Variants in ARHGAP25 observed in about 807,000 individuals in gnomAD.
The protein encoded by ARHGAP25 is rho GTPase-activating protein 25.
Under a neutral mutation model 71.0 loss-of-function variants are expected in ARHGAP25, and 34 were observed. The observed-to-expected ratio is 0.48, with a 90% CI of 0.36 to 0.64. The LOEUF is 0.64. Ranked by LOEUF, ARHGAP25 falls within the 30% of genes least tolerant of loss-of-function variation. ARHGAP25 has a pLI of 0.00. For missense variants in ARHGAP25, 706 were observed against 805.1 expected (o/e 0.88, Z 1.49); for synonymous variants, 282 against 296.5 (o/e 0.95, Z 0.50).
At chr2:68,813,549 G>A (rs1020342150) in intron 6 of ARHGAP25, 130 bp downstream of exon 6, 7 of 998,436 alleles carry the variant, frequency 7.0e-6, no homozygotes, top group African/African-American at 4.9e-5. Context: ...AACTTCCTCA[G>A]CAACAAAAGG....
intron 1 of ARHGAP25, among the ~76,000 whole-genome samples, chr2:68,745,605 T>C (rs933122917): frequency 6.6e-6 from 1 of 152,168 alleles, no homozygotes; most frequent in Non-Finnish European, 1.5e-5. Context: ...CTGGAGAAGA[T>C]CACCCCTGAG....
At position 68,735,103 on chromosome 2, in the gene ARHGAP25, A is replaced by G; in HGVS notation, c.-97A>G. On this transcript the variant is annotated 5_prime_UTR_variant, in exon 1 of 11. Transcript: ENST00000409202. ...AGCAATCATAAGGAGGAACAAAAAC[A>G]GACACAAAAACAGAGGGAAAGAGTG... The G allele has an allele frequency of 9.2e-7, 1 of 1,083,114 alleles. No individual in the cohort carries two copies. The highest frequency in any genetic ancestry group is 1.4e-6 in the Non-Finnish European group (1 of 697,738). 67.1% of individuals were successfully genotyped at this position (1,083,114 alleles called of 1,614,324 possible).
chr2:68,770,360 C>T (rs766710135), intron 1 of ARHGAP25, among the ~76,000 whole-genome samples: 1 of 152,164 alleles, frequency 6.6e-6, no homozygotes, highest in Non-Finnish European at 1.5e-5. Flanking sequence ...CAAACTAATG[C>T]ACAGCTCATA....
At chr2:68,728,513 A>T (rs1039092780) in intron 2 of ARHGAP25, among the ~76,000 whole-genome samples, 12 of 131,588 alleles carry the variant, frequency 9.1e-5, no homozygotes, top group East Asian at 4.5e-4. Context: ...ATTTTTTAAT[A>T]AAAAAAAAAC....
intron 3 of ARHGAP25, among the ~76,000 whole-genome samples, chr2:68,784,476 CTT>C (rs1678603277): frequency 6.6e-6 from 1 of 152,028 alleles, no homozygotes; most frequent in Admixed American, 6.6e-5. Context: ...CACATAGAAA[CTT>C]TTAATTGTAG....
chr2:68,786,667 G>C (rs1678779569), intron 3 of ARHGAP25, among the ~76,000 whole-genome samples: 1 of 152,194 alleles, frequency 6.6e-6, no homozygotes, highest in Admixed American at 6.5e-5. Flanking sequence ...GATGGAGTCA[G>C]AATCAGGTTA....
chr2:68,826,166 C>A lies in ARHGAP25; in HGVS notation c.1913C>A (p.Ser638Tyr). ...LEEEVKEFVK[S>Y]MKEPKTEA ...GAAGAAGTCAAGGAATTTGTCAAAT[C>A]CATGAAGGAACCCAAGACCGAGGCT... The change falls in exon 11 of 11, where the codon TCC becomes TAC. Residue 638 changes from serine (S) to tyrosine (Y), a missense_variant. By Grantham distance (144) the Ser-to-Tyr change is moderately radical. Coordinates refer to ENST00000409202, the MANE Select transcript of ARHGAP25 (RefSeq NM_001007231.3). The A allele has an allele frequency of 1.2e-6, 2 of 1,614,130 alleles. No individual in the cohort carries two copies. The highest frequency in any genetic ancestry group is 1.7e-6 in the Non-Finnish European group (2 of 1,180,012).
chr2:68,775,723 G>T (rs1279660574), intron 2 of ARHGAP25: 1 of 557,266 alleles, frequency 1.8e-6, no homozygotes, highest in Non-Finnish European at 3.4e-6. Flanking sequence ...AGAGAGAGTG[G>T]ATTTGGGTTC....
intron 7 of ARHGAP25, among the ~76,000 whole-genome samples, chr2:68,817,111 T>TG (rs34044094): frequency 0.34 from 51,802 of 151,856 alleles, 8,963 homozygotes; most frequent in East Asian, 0.43. Context: ...GATTGTGTCC[T>TG]TTTTTTTGGT....
At chr2:68,788,727 A>G (rs78151587) in intron 4 of ARHGAP25, among the ~76,000 whole-genome samples, 5 of 152,304 alleles carry the variant, frequency 3.3e-5, no homozygotes, top group Admixed American at 2.0e-4. Context: ...TTTTCCTTCA[A>G]CTTTTTAGGA....
At chr2:68,785,227 T>A (rs996829928) in intron 3 of ARHGAP25, among the ~76,000 whole-genome samples, 2 of 152,198 alleles carry the variant, frequency 1.3e-5, no homozygotes, top group African/African-American at 4.8e-5. Context: ...CTGGAAAGTT[T>A]TGAGCAGAGG....
intron 2 of ARHGAP25, among the ~76,000 whole-genome samples, chr2:68,727,220 G>A (rs1431900328): frequency 6.6e-6 from 1 of 152,158 alleles, no homozygotes; most frequent in Non-Finnish European, 1.5e-5. Flanking sequence ...AGCCAGGTGG[G>A]AAATACAAGC....
chr2:68,713,838 CTT>C (rs1335659483), intron 2 of ARHGAP25, among the ~76,000 whole-genome samples: 1 of 152,142 alleles, frequency 6.6e-6, no homozygotes, highest in East Asian at 1.9e-4. Flanking sequence ...ATGAAGCCAA[CTT>C]GATCATGGTG....
intron 5 of ARHGAP25, among the ~76,000 whole-genome samples, chr2:68,810,602 C>G (rs1680714302): frequency 6.6e-6 from 1 of 152,066 alleles, no homozygotes; most frequent in Admixed American, 6.5e-5. Flanking sequence ...TTTATAATCC[C>G]TTTCTCTTTT....
chr2:68,737,076 T>C (rs1675261485), intron 1 of ARHGAP25, among the ~76,000 whole-genome samples: 1 of 152,170 alleles, frequency 6.6e-6, no homozygotes, highest in Non-Finnish European at 1.5e-5. Context: ...AAGGACATAA[T>C]GAAATACAGA....
chr2:68,805,034 C>T (rs1190101218), intron 4 of ARHGAP25, among the ~76,000 whole-genome samples: 2 of 152,048 alleles, frequency 1.3e-5, no homozygotes, highest in African/African-American at 2.4e-5. Flanking sequence ...GGATGTAGTC[C>T]CTCCATCTGG....
At chr2:68,806,557 G>A (rs1016923102) in intron 4 of ARHGAP25, among the ~76,000 whole-genome samples, 5 of 152,142 alleles carry the variant, frequency 3.3e-5, no homozygotes, top group East Asian at 3.9e-4. Context: ...CAACTACTAC[G>A]CGACTCCTGG....
At chr2:68,748,068 C>G (rs1675940804) in intron 1 of ARHGAP25, among the ~76,000 whole-genome samples, 1 of 152,166 alleles carries the variant, frequency 6.6e-6, no homozygotes, top group Non-Finnish European at 1.5e-5. Context: ...GGATTAAATT[C>G]AAACTCATGA....
chr2:68,714,290 C>T (rs1674558914), intron 2 of ARHGAP25, among the ~76,000 whole-genome samples: 1 of 152,156 alleles, frequency 6.6e-6, no homozygotes, highest in Admixed American at 6.5e-5. Flanking sequence ...TTATAGTATT[C>T]TCTGATGGTA....
Sources: gnomAD v4.1 joint callset for allele counts (sites outside exome capture counted in the v4.1 genomes callset) on GRCh38, gnomAD v4.1.1 for gene constraint, MANE v1.5 for transcripts, NCBI Gene and HGNC (gene_info 2026-07-23, HGNC 2026-07-21) for gene names.